The following EYS variants were observed in gnomAD, a reference collection of about 807,000 sequenced individuals.
The protein encoded by EYS is protein eyes shut homolog.
In EYS, 250 loss-of-function variants were observed where a neutral mutation model predicts 282.1. That is an observed-to-expected ratio of 0.89 (90% CI 0.80 to 0.98). The LOEUF is 0.98. Ranked by LOEUF, EYS falls within the 50% of genes least tolerant of loss-of-function variation. EYS has a pLI of 0.00. For synonymous variants in EYS, 1,355 were observed against 1,282.9 expected (o/e 1.06, Z -1.20); for missense variants, 4,016 against 3,709.0 (o/e 1.08, Z -2.15).
intron 22 of EYS, among the ~76,000 whole-genome samples, chr6:64,700,758 A>G (rs1019292918): frequency 1.6e-4 from 25 of 152,156 alleles, no homozygotes; most frequent in Admixed American, 9.8e-4. Context: ...TCCCATGATC[A>G]TGGATTGCAA....
intron 2 of EYS, among the ~76,000 whole-genome samples, chr6:65,612,231 A>G (rs1240653706): frequency 6.6e-6 from 1 of 150,782 alleles, no homozygotes; most frequent in African/African-American, 2.4e-5. Flanking sequence ...ATATGTGTAT[A>G]TGTATATATC....
At chr6:64,169,407 C>T (rs1764405257) in intron 31 of EYS, among the ~76,000 whole-genome samples, 1 of 144,320 alleles carries the variant, frequency 6.9e-6, no homozygotes, top group Non-Finnish European at 1.5e-5. Flanking sequence ...AAATCAATGA[C>T]ATACTCAAAC....
chr6:65,386,379 C>A (rs1734099132), intron 7 of EYS, among the ~76,000 whole-genome samples: 1 of 150,540 alleles, frequency 6.6e-6, no homozygotes, highest in African/African-American at 2.4e-5. Context: ...ATGTAAGAAA[C>A]ATGCGCTTGT....
chr6:63,722,031 C>T (rs1478298089), intron 42 of EYS, among the ~76,000 whole-genome samples: 5 of 152,132 alleles, frequency 3.3e-5, no homozygotes, highest in Non-Finnish European at 5.9e-5. Context: ...GGACAGTTCT[C>T]ATTGAATGAA....
intron 5 of EYS, among the ~76,000 whole-genome samples, chr6:65,414,555 A>G (rs1767155640): frequency 6.6e-6 from 1 of 152,170 alleles, no homozygotes; most frequent in Non-Finnish European, 1.5e-5. Context: ...TTTAAAGTGA[A>G]GGAAAAGGAA....
intron 11 of EYS, among the ~76,000 whole-genome samples, chr6:65,317,788 T>C (rs1253614762): frequency 4.6e-5 from 1 of 21,904 alleles, no homozygotes; most frequent in Admixed American, 4.5e-4. Context: ...CTTCCTTCCT[T>C]CCTTCCTTCC....
At chr6:64,821,229 A>AT (rs1267328270) in intron 21 of EYS, among the ~76,000 whole-genome samples, 19 of 152,006 alleles carry the variant, frequency 1.2e-4, no homozygotes, top group African/African-American at 4.3e-4. Flanking sequence ...TCCAGTATTT[A>AT]TATTCTCCTT....
intron 12 of EYS, among the ~76,000 whole-genome samples, chr6:65,279,821 T>G (rs1484391384): frequency 6.6e-6 from 1 of 152,208 alleles, no homozygotes; most frequent in Non-Finnish European, 1.5e-5. Context: ...TGCTAAAGAT[T>G]TTGTAAAAAG....
intron 15 of EYS, among the ~76,000 whole-genome samples, chr6:64,929,899 CTG>C (rs750793189): frequency 3.3e-5 from 5 of 152,094 alleles, no homozygotes; most frequent in Non-Finnish European, 7.4e-5. Context: ...CTTTTTAACA[CTG>C]TGATTTCTGC....
chr6:64,195,188 C>T (rs1326589163), intron 31 of EYS, among the ~76,000 whole-genome samples: 1 of 152,066 alleles, frequency 6.6e-6, no homozygotes, highest in African/African-American at 2.4e-5. Flanking sequence ...AGAAATTTAT[C>T]ATTTAAGTTT....
chr6:63,849,192 G>A (rs1368629851), intron 36 of EYS, among the ~76,000 whole-genome samples: 1 of 152,188 alleles, frequency 6.6e-6, no homozygotes, highest in African/African-American at 2.4e-5. Flanking sequence ...CCCAGTCAGA[G>A]GCTTACAGAT....
At chr6:64,372,565 G>T (rs927879029) in intron 29 of EYS, among the ~76,000 whole-genome samples, 1 of 151,986 alleles carries the variant, frequency 6.6e-6, no homozygotes, top group African/African-American at 2.4e-5. Context: ...GGGTTTCTCT[G>T]CATTTTGATT....
At chr6:64,628,064 T>G (rs1163006510) in intron 22 of EYS, among the ~76,000 whole-genome samples, 1 of 152,032 alleles carries the variant, frequency 6.6e-6, no homozygotes, top group Non-Finnish European at 1.5e-5. Flanking sequence ...CGGGCGACAG[T>G]GCGAGACTCC....
intron 36 of EYS, among the ~76,000 whole-genome samples, chr6:63,863,562 T>C (rs1279716076): frequency 6.6e-6 from 1 of 152,168 alleles, no homozygotes; most frequent in African/African-American, 2.4e-5. Context: ...GTTACTCTCT[T>C]ATACCTAGCT....
intron 12 of EYS, among the ~76,000 whole-genome samples, chr6:65,220,457 C>G (rs1402285430): frequency 1.3e-5 from 2 of 152,040 alleles, no homozygotes; most frequent in East Asian, 3.9e-4. Context: ...AGAAAAATTC[C>G]TTGCACATGC....
In EYS at chr6:64,843,854, C is replaced by T. The variant is rs1583215520; in HGVS notation, c.2993-21032G>A. 6.6e-5 allele frequency among the ~76,000 whole-genome samples: 10 copies of T among 152,084 alleles called. No homozygotes were observed. The South Asian group carries it at 2.1e-3, about 32-fold the overall frequency. On this transcript the variant is annotated intron_variant, in intron 19 of 42. Transcript: ENST00000503581. ...GAATGATATGGTTTGGCTATGTGTC[C>T]CCACCCAAATCTCATCTTGAATTGA...
chr6:64,763,020 G>A lies in EYS; in HGVS notation c.3443+50358C>T, dbSNP rs569727447. On this transcript the variant is annotated intron_variant, in intron 22 of 42. Coordinates refer to ENST00000503581, the MANE Select transcript of EYS (RefSeq NM_001142800.2). ...GCTGTAAAACCAAACTTTCTGAATG[G>A]GAATTATGAACACAATATAAAACAG... Among the ~76,000 whole-genome samples the A allele has an allele frequency of 2.8e-4, 42 of 152,172 alleles. 1 individual carries two copies. The South Asian group carries it at 7.7e-3, about 28-fold the overall frequency.
chr6:65,260,114 C>G (rs1166517327), intron 12 of EYS, among the ~76,000 whole-genome samples: 1 of 151,988 alleles, frequency 6.6e-6, no homozygotes, highest in African/African-American at 2.4e-5. Flanking sequence ...GGGAAGCAAG[C>G]AAGCTTCTTC....
chr6:65,197,854 G>A (rs755750838), intron 12 of EYS, among the ~76,000 whole-genome samples: 1 of 152,112 alleles, frequency 6.6e-6, no homozygotes, highest in Non-Finnish European at 1.5e-5. Flanking sequence ...CACTGAGTGA[G>A]TGGTGAGTAA....
Sources: gnomAD v4.1 joint callset for allele counts (sites outside exome capture counted in the v4.1 genomes callset) on GRCh38, gnomAD v4.1.1 for gene constraint, MANE v1.5 for transcripts, NCBI Gene and HGNC (gene_info 2026-07-23, HGNC 2026-07-21) for gene names.